The following RDX variants were observed in gnomAD, a reference collection of about 807,000 sequenced individuals.
RDX encodes the protein deafness, autosomal recessive 24.
RDX carries 32 observed loss-of-function variants against 83.7 expected under a neutral mutation model. That is an observed-to-expected ratio of 0.38 (90% CI 0.29 to 0.51). The LOEUF is 0.51. Ranked by LOEUF, RDX falls within the 20% of genes least tolerant of loss-of-function variation. RDX has a pLI of 0.87. For missense variants in RDX, 600 were observed against 689.9 expected, an observed-to-expected ratio of 0.87 and a Z score of 1.46; for synonymous variants, 229 against 222.7, an observed-to-expected ratio of 1.03 and a Z score of -0.25.
At chr11:110,285,764 T>C (rs1860957462) in intron 1 of RDX, among the ~76,000 whole-genome samples, 2 of 148,560 alleles carry the variant, frequency 1.3e-5, no homozygotes, top group Admixed American at 6.7e-5. Flanking sequence ...AATATATTAG[T>C]ATGTTTTTAA....
chr11:110,256,514 G>A (rs762997703), intron 7 of RDX, among the ~76,000 whole-genome samples: 23 of 152,224 alleles, frequency 1.5e-4, no homozygotes, highest in Admixed American at 5.9e-4. Context: ...AAGCCTGGAA[G>A]CTAATACAAT....
intron 1 of RDX, among the ~76,000 whole-genome samples, chr11:110,294,442 A>C: frequency 6.6e-6 from 1 of 152,198 alleles, no homozygotes; most frequent in East Asian, 1.9e-4. Flanking sequence ...ACTTGAAGAT[A>C]AATCTTTTGA....
At chr11:110,241,534 T>C (rs1011616932) in intron 10 of RDX, among the ~76,000 whole-genome samples, 1 of 152,174 alleles carries the variant, frequency 6.6e-6, no homozygotes, top group Non-Finnish European at 1.5e-5. Context: ...CGACCTCAGG[T>C]GATCCACCCG....
At chr11:110,258,323 T>C (rs1213917670) in intron 5 of RDX, 134 bp from the exon 6 acceptor site, 11 of 636,464 alleles carry the variant, frequency 1.7e-5, no homozygotes, top group Non-Finnish European at 2.2e-5. Context: ...TGAAATTGCA[T>C]AGAACTAAAT....
intron 1 of RDX, among the ~76,000 whole-genome samples, chr11:110,287,870 C>T (rs763108718): frequency 9.9e-5 from 15 of 152,188 alleles, no homozygotes; most frequent in Non-Finnish European, 1.8e-4. Flanking sequence ...GACATAAGTC[C>T]TTTAAAATCC....
At position 110,264,002 on chromosome 11, in the gene RDX, T is replaced by C. The variant is rs1396587120; in HGVS notation, c.425A>G (p.His142Arg). 1.2e-5 allele frequency: 19 copies of C among 1,613,880 alleles called. No individual in the cohort carries two copies. The highest frequency in any genetic ancestry group is 1.6e-5 in the Non-Finnish European group (19 of 1,179,782). ...AKYGDYNKEI[H>R]KPGYLANDRL... ...ATCATTAGCCAGGTAGCCTGGCTTA[T>C]GAATCTCTTTATTGTAATCTCCATA... Residue 142 changes from histidine (H) to arginine (R), a missense_variant, in exon 5 of 14, where the codon CAT becomes CGT. Transcript: ENST00000645495.
At chr11:110,228,204 T>C (rs1262178153), downstream of RDX, among the ~76,000 whole-genome samples, 1 of 152,036 alleles carries the variant, frequency 6.6e-6, no homozygotes, top group Non-Finnish European at 1.5e-5. Flanking sequence ...TGGAACATGA[T>C]TGTGAGCCAG....
chr11:110,237,917 G>GCCCATCA, intron 10 of RDX: 1 of 397,278 alleles, frequency 2.5e-6, no homozygotes, highest in Non-Finnish European at 4.7e-6. Context: ...GACTACAGGC[G>GCCCATCA]CTATACCTCG....
chr11:110,250,758 A>G (rs557985915), intron 9 of RDX, among the ~76,000 whole-genome samples: 11 of 152,348 alleles, frequency 7.2e-5, no homozygotes, highest in East Asian at 3.9e-4. Flanking sequence ...TAAACTGATT[A>G]TAATATTTAA....
intron 15 of RDX, among the ~76,000 whole-genome samples, chr11:110,184,062 C>T (rs1463886077): frequency 1.3e-5 from 2 of 152,180 alleles, no homozygotes; most frequent in East Asian, 3.8e-4. Context: ...CCCTGGAAGA[C>T]CACCAGTGTG....
In RDX at chr11:110,296,504, T is replaced by C. The variant is rs1010085928; in HGVS notation, c.-102A>G. On this transcript the variant is annotated 5_prime_UTR_variant, in exon 1 of 14. Coordinates refer to ENST00000645495, the MANE Select transcript of RDX (RefSeq NM_002906.4). ...CGGCTTCTGCCCGCCGGCGTGTGGC[T>C]GGGGCGCTGCGCGGCGGCGCGGCTG... 4 of 151,030 alleles carry C rather than the reference T, an allele frequency of 2.6e-5. No individual in the cohort carries two copies. Among genetic ancestry groups the C allele is most frequent in the African/African-American group, 9.7e-5 (4 of 41,180 alleles). 9.4% of individuals were successfully genotyped at this position (151,030 alleles called of 1,614,324 possible). A position where few individuals can be genotyped will look rare whatever the true frequency, so the allele number is the denominator to read the frequency against.
chr11:110,274,523 T>TC (rs1206594285), intron 2 of RDX, among the ~76,000 whole-genome samples: 2 of 152,176 alleles, frequency 1.3e-5, no homozygotes, highest in Admixed American at 1.3e-4. Flanking sequence ...CACTTTTTTT[T>TC]CCCTGTTGCC....
intron 3 of RDX, among the ~76,000 whole-genome samples, chr11:110,267,569 T>G (rs903929343): frequency 8.5e-5 from 9 of 105,704 alleles, no homozygotes; most frequent in Admixed American, 2.7e-4. Context: ...CACACACAAA[T>G]AATCTTAAAA....
intron 2 of RDX, among the ~76,000 whole-genome samples, chr11:110,273,588 T>C (rs1055073506): frequency 6.6e-6 from 1 of 152,246 alleles, no homozygotes; most frequent in African/African-American, 2.4e-5. Flanking sequence ...CTCCAAACTC[T>C]ATTTTAAATA....
chr11:110,221,782 C>T (rs1864258985), intron 14 of RDX, among the ~76,000 whole-genome samples: 1 of 152,024 alleles, frequency 6.6e-6, no homozygotes, highest in South Asian at 2.1e-4. Flanking sequence ...AACTAAGTGG[C>T]CTCTCATTTC....
intron 1 of RDX, among the ~76,000 whole-genome samples, chr11:110,283,414 A>G (rs1181260052): frequency 6.6e-6 from 1 of 152,220 alleles, no homozygotes; most frequent in East Asian, 1.9e-4. Flanking sequence ...TCGGCCTCCC[A>G]AAGTGCTCAC....
At chr11:110,294,231 C>A (rs1861355223) in intron 1 of RDX, among the ~76,000 whole-genome samples, 1 of 152,210 alleles carries the variant, frequency 6.6e-6, no homozygotes, top group Non-Finnish European at 1.5e-5. Context: ...CCCGTCTCTA[C>A]TAAAAATGCA....
chr11:110,291,763 A>G (rs1591192454), intron 1 of RDX, among the ~76,000 whole-genome samples: 1 of 152,250 alleles, frequency 6.6e-6, no homozygotes, highest in Non-Finnish European at 1.5e-5. Flanking sequence ...CAGGGAAGAG[A>G]GTTGGAAAGA....
intron 7 of RDX, 141 bp from the exon 8 acceptor site, chr11:110,255,526 A>G (rs919883591): frequency 2.6e-4 from 162 of 628,320 alleles, no homozygotes; most frequent in Admixed American, 3.1e-4. Flanking sequence ...ACTACAGTTG[A>G]CCTTATCTTT....
Sources: allele counts gnomAD v4.1 joint callset (sites outside exome capture counted in the v4.1 genomes callset), GRCh38; gene constraint gnomAD v4.1.1; transcripts MANE v1.5; gene names NCBI Gene and HGNC (gene_info 2026-07-23, HGNC 2026-07-21).